Variants in KAZN observed in about 807,000 individuals in gnomAD.
KAZN encodes the protein kazrin.
Under a neutral mutation model 87.4 loss-of-function variants are expected in KAZN, and 40 were observed. That is an observed-to-expected ratio of 0.46 (90% CI 0.36 to 0.60). KAZN has a LOEUF of 0.60. Ranked by LOEUF, KAZN falls within the 20% of genes least tolerant of loss-of-function variation. The probability of loss-of-function intolerance (pLI) is 0.00; values close to 1 mark genes in which losing one functional copy is unlikely to be tolerated. For missense variants in KAZN, 898 were observed against 1,073.9 expected (o/e 0.84, Z 2.29); for synonymous variants, 466 against 458.3 (o/e 1.02, Z -0.22).
At chr1:14,509,407 C>A (rs1434790708) in intron 2 of KAZN, among the ~76,000 whole-genome samples, 2 of 152,220 alleles carry the variant, frequency 1.3e-5, no homozygotes, top group Non-Finnish European at 2.9e-5. Flanking sequence ...TTTCCACCAA[C>A]CAGTGTGGCA....
intron 2 of KAZN, among the ~76,000 whole-genome samples, chr1:14,494,294 A>G (rs1244626540): frequency 6.6e-6 from 1 of 152,224 alleles, no homozygotes; most frequent in African/African-American, 2.4e-5. Flanking sequence ...GGGCAGGGTT[A>G]TAGCACAGTG....
chr1:13,916,492 C>T (rs1449093124), intron 1 of KAZN, among the ~76,000 whole-genome samples: 4 of 152,106 alleles, frequency 2.6e-5, no homozygotes, highest in African/African-American at 9.7e-5. Context: ...GTTCATTTTC[C>T]CTACCCATTC....
chr1:14,525,807 C>T (rs1272176463), intron 2 of KAZN, among the ~76,000 whole-genome samples: 4 of 152,188 alleles, frequency 2.6e-5, no homozygotes, highest in Non-Finnish European at 1.5e-5. Flanking sequence ...TTAGTGCTCT[C>T]GATAATCATG....
chr1:14,915,424 T>C (rs952004018), intron 1 of KAZN, among the ~76,000 whole-genome samples: 4 of 152,028 alleles, frequency 2.6e-5, no homozygotes, highest in African/African-American at 9.7e-5. Flanking sequence ...GTCTCTCAAA[T>C]CACACGCAGG....
At chr1:14,102,170 A>G (rs1644269961) in intron 1 of KAZN, among the ~76,000 whole-genome samples, 1 of 152,162 alleles carries the variant, frequency 6.6e-6, no homozygotes, top group Non-Finnish European at 1.5e-5. Flanking sequence ...CAACTACACA[A>G]AATCCAGAGT....
Position 14,895,608 on chromosome 1 carries a change from C to T in KAZN, c.227-65076C>T, listed in dbSNP as rs1048032348. ...GTAACCCAGCAAGGAACTCATCTTC[C>T]GGGAGGGTGGAATTTGGGCTAGGGG... On this transcript the variant is annotated intron_variant, in intron 1 of 14. Transcript: ENST00000376030. Among the ~76,000 whole-genome samples, 6 of 152,296 alleles carry T rather than the reference C, an allele frequency of 3.9e-5. No homozygotes were observed. The East Asian group carries it at 9.7e-4, about 25-fold the overall frequency.
chr1:14,810,772 C>T (rs1023836402), intron 1 of KAZN, among the ~76,000 whole-genome samples: 4 of 152,164 alleles, frequency 2.6e-5, no homozygotes, highest in African/African-American at 9.7e-5. Flanking sequence ...GGCCTCCAGA[C>T]CTCTGACTGG....
In KAZN at chr1:15,112,423, T is replaced by C. The variant is rs1641670590; in HGVS notation, c.2049-4T>C. The C allele has an allele frequency of 1.3e-6, 2 of 1,579,920 alleles. No homozygotes were observed. The highest frequency in any genetic ancestry group is 1.7e-6 in the Non-Finnish European group (2 of 1,161,866). On this transcript the variant is annotated splice_polypyrimidine_tract_variant and splice_region_variant and intron_variant, in intron 13 of 14. Transcript: ENST00000376030. ...CTGCTGACTCAAAATGGTCCTCTCT[T>C]CAGCTCCACAGGCATCCGGGAGGCT...
intron 2 of KAZN, among the ~76,000 whole-genome samples, chr1:14,415,432 T>C (rs569396181): frequency 1.3e-3 from 199 of 152,310 alleles, no homozygotes; most frequent in Middle Eastern, 3.4e-3. Flanking sequence ...ATGGGGCCAC[T>C]GTCCTGTCCC....
rs530159797 is a variant in KAZN, at chr1:14,422,239, G to C, written c.250-176744G>C. ...TCTGGGTTCTGATGAGATGTGATCT[G>C]AGTGTGCTTCAGAGAACATCCGTGG... is the stretch of plus-strand genomic sequence containing the variant. On this transcript the variant is annotated intron_variant, in intron 2 of 16. Coordinates refer to the KAZN transcript ENST00000636203. 2.0e-4 allele frequency among the ~76,000 whole-genome samples: 31 copies of C among 152,340 alleles called. 1 individual carries two copies. Among genetic ancestry groups the C allele is most frequent in the South Asian group, 1.9e-3 (9 of 4,828 alleles).
chr1:14,371,498 G>T (rs1660479806), intron 2 of KAZN, among the ~76,000 whole-genome samples: 1 of 152,120 alleles, frequency 6.6e-6, no homozygotes, highest in East Asian at 1.9e-4. Context: ...GAGTAGCAAG[G>T]GCTAAATTGG....
At chr1:13,965,881 C>G (rs1641923927) in intron 1 of KAZN, among the ~76,000 whole-genome samples, 1 of 152,132 alleles carries the variant, frequency 6.6e-6, no homozygotes, top group African/African-American at 2.4e-5. Context: ...ATGAGCCCTC[C>G]AGAGTTCATG....
At chr1:14,512,175 C>A (rs146142959) in intron 2 of KAZN, among the ~76,000 whole-genome samples, 4 of 152,002 alleles carry the variant, frequency 2.6e-5, no homozygotes, top group Non-Finnish European at 4.4e-5. Flanking sequence ...TTTGTGTGTT[C>A]GCGGGTCAGG....
intron 2 of KAZN, among the ~76,000 whole-genome samples, chr1:14,220,107 A>G (rs796975113): frequency 2.0e-5 from 3 of 151,340 alleles, no homozygotes; most frequent in African/African-American, 7.3e-5. Context: ...TGCTTTTATC[A>G]CCTCTTTGGT....
At chr1:14,807,705 G>A (rs1298332183) in intron 1 of KAZN, among the ~76,000 whole-genome samples, 1 of 152,076 alleles carries the variant, frequency 6.6e-6, no homozygotes, top group African/African-American at 2.4e-5. Context: ...GGAGGTTGAG[G>A]CTGCAGTGAG....
chr1:14,661,787 A>G (rs576299551), intron 1 of KAZN, among the ~76,000 whole-genome samples: 2 of 152,098 alleles, frequency 1.3e-5, no homozygotes, highest in African/African-American at 2.4e-5. Flanking sequence ...ATGGTGGCAC[A>G]TACCTGTAAT....
chr1:14,514,329 A>AAAATAT (rs373748578), intron 2 of KAZN, among the ~76,000 whole-genome samples: 3 of 23,502 alleles, frequency 1.3e-4, no homozygotes, highest in East Asian at 6.1e-4. Flanking sequence ...TGTCTCAAAA[A>AAAATAT]ATTTATATAT....
At position 14,820,513 on chromosome 1, in the gene KAZN, A is replaced by C. The variant is rs1320909343; in HGVS notation, c.227-140171A>C. On this transcript the variant is annotated intron_variant, in intron 1 of 14. Coordinates refer to ENST00000376030, the MANE Select transcript of KAZN (RefSeq NM_201628.3). The surrounding 1 kb of genome is among the most constrained non-coding windows in gnomAD (Gnocchi z 4.1). Reference sequence around the variant, plus strand: ...TGCAAACCCACGTGCTGGGCTGCACAGCTGCCTGAACGAAGCTGGAGCGTG... The same window carrying C: ...TGCAAACCCACGTGCTGGGCTGCACCGCTGCCTGAACGAAGCTGGAGCGTG... 6.6e-6 allele frequency among the ~76,000 whole-genome samples: 1 copy of C among 152,254 alleles called. No individual in the cohort carries two copies. Among genetic ancestry groups the C allele is most frequent in the African/African-American group, 2.4e-5 (1 of 41,464 alleles).
At chr1:14,500,707 A>C (rs996260868) in intron 2 of KAZN, among the ~76,000 whole-genome samples, 8 of 152,170 alleles carry the variant, frequency 5.3e-5, no homozygotes, top group African/African-American at 1.9e-4. Context: ...TCACAAAGAA[A>C]AATGAAGACT....
Sources: gnomAD v4.1 joint callset for allele counts (sites outside exome capture counted in the v4.1 genomes callset) on GRCh38, gnomAD v4.1.1 for gene constraint, Gnocchi (gnomAD v3.1) non-coding constraint, MANE v1.5 for transcripts, NCBI Gene and HGNC (gene_info 2026-07-23, HGNC 2026-07-21) for gene names.